CTNNA3: variants seen among roughly 807,000 people sequenced by gnomAD.
The protein encoded by CTNNA3 is catenin alpha-3.
A neutral mutation model predicts 95.7 loss-of-function variants in CTNNA3; 76 were observed. The ratio of observed to expected loss-of-function variants is 0.79; its 90% confidence interval spans 0.66 to 0.96. CTNNA3 has a LOEUF of 0.96. Ranked by LOEUF, CTNNA3 falls within the 40% of genes least tolerant of loss-of-function variation. The probability of loss-of-function intolerance (pLI) is 0.00; values close to 1 mark genes in which losing one functional copy is unlikely to be tolerated. For missense variants in CTNNA3, 1,191 were observed against 1,089.8 expected (o/e 1.09, Z -1.31); for synonymous variants, 431 against 374.4 (o/e 1.15, Z -1.74).
chr10:67,097,286 C>T (rs117828880), intron 7 of CTNNA3, among the ~76,000 whole-genome samples: 3,572 of 151,930 alleles, frequency 0.024, 54 homozygotes, highest in Non-Finnish European at 0.036. Context: ...TCCCAGTTAG[C>T]GAAAGCAATT....
chr10:66,091,931 C>A (rs977623983), intron 14 of CTNNA3, among the ~76,000 whole-genome samples: 1 of 151,800 alleles, frequency 6.6e-6, no homozygotes, highest in African/African-American at 2.4e-5. Flanking sequence ...AGATAATTTC[C>A]AGTCTAGCTG....
chr10:66,708,366 G>T (rs1848186146), intron 9 of CTNNA3, among the ~76,000 whole-genome samples: 1 of 152,016 alleles, frequency 6.6e-6, no homozygotes, highest in Admixed American at 6.6e-5. Flanking sequence ...GCTTGCGGGT[G>T]GCGGCCTTCT....
chr10:66,637,715 C>T (rs529541326), intron 9 of CTNNA3, among the ~76,000 whole-genome samples: 1 of 152,282 alleles, frequency 6.6e-6, no homozygotes, highest in South Asian at 2.1e-4. Context: ...TGAGCACCTC[C>T]CCCTTGGGAC....
intron 4 of CTNNA3, among the ~76,000 whole-genome samples, chr10:67,529,975 G>A (rs1840276866): frequency 6.6e-6 from 1 of 152,038 alleles, no homozygotes; most frequent in African/African-American, 2.4e-5. Context: ...CGGTTTTAAA[G>A]ATGGGAGTTT....
Position 66,927,904 on chromosome 10 carries a change from T to G in CTNNA3, c.1048-152380A>C. The G allele has an allele frequency of 6.2e-7, 1 of 1,614,204 alleles. No homozygotes were observed. Among genetic ancestry groups the G allele is most frequent in the Middle Eastern group, 1.7e-4 (1 of 6,060 alleles). Reference sequence around the variant, plus strand: ...CTCCCTTGTAAACTGGCTGAAAAGTTTTAAAGGTCTAAGGGAGAATACAAT... The same window carrying G: ...CTCCCTTGTAAACTGGCTGAAAAGTGTTAAAGGTCTAAGGGAGAATACAAT... On this transcript the variant is annotated intron_variant, in intron 7 of 17. Transcript: ENST00000433211. This position sits in a 1 kb window ranked among gnomAD's most constrained non-coding sequence, Gnocchi z 4.7.
At chr10:66,072,513 C>A (rs752985267) in intron 14 of CTNNA3, among the ~76,000 whole-genome samples, 33 of 152,126 alleles carry the variant, frequency 2.2e-4, no homozygotes, top group Middle Eastern at 6.8e-3. Context: ...GGCATGATCT[C>A]AGCTCACTGC....
chr10:66,105,670 T>C (rs1022832382), intron 13 of CTNNA3, among the ~76,000 whole-genome samples: 1 of 152,210 alleles, frequency 6.6e-6, no homozygotes, highest in African/African-American at 2.4e-5. Context: ...ACTTCTGTGT[T>C]TTTCTTTGTG....
chr10:67,463,982 G>A (rs886417692), intron 5 of CTNNA3, among the ~76,000 whole-genome samples: 7 of 151,956 alleles, frequency 4.6e-5, no homozygotes, highest in South Asian at 2.1e-4. Flanking sequence ...ATGCTCCTAC[G>A]AATGCTCTAA....
intron 5 of CTNNA3, among the ~76,000 whole-genome samples, chr10:67,385,474 T>G (rs1371018185): frequency 1.3e-5 from 2 of 152,206 alleles, no homozygotes; most frequent in Admixed American, 1.3e-4. Flanking sequence ...CCCAGAATCT[T>G]TCAGTGATCA....
At chr10:66,331,225 G>T (rs2092324102) in intron 12 of CTNNA3, among the ~76,000 whole-genome samples, 1 of 151,272 alleles carries the variant, frequency 6.6e-6, no homozygotes. Context: ...TTTTAATCAA[G>T]CTTGAATTAA....
intron 7 of CTNNA3, among the ~76,000 whole-genome samples, chr10:66,870,329 C>T (rs117299077): frequency 0.033 from 4,956 of 152,244 alleles, 133 homozygotes; most frequent in Middle Eastern, 0.051. Context: ...GGATGTTTTG[C>T]TACGGCTATT....
intron 7 of CTNNA3, among the ~76,000 whole-genome samples, chr10:66,935,330 G>A (rs895910043): frequency 1.3e-5 from 2 of 151,948 alleles, no homozygotes; most frequent in Admixed American, 1.3e-4. Flanking sequence ...TAGTTATAAC[G>A]GTGAAAACTC....
intron 3 of CTNNA3, among the ~76,000 whole-genome samples, chr10:67,554,527 A>T (rs1456799507): frequency 6.6e-6 from 1 of 152,092 alleles, no homozygotes; most frequent in Non-Finnish European, 1.5e-5. Context: ...GCATTTTTTC[A>T]TGTGTCTGTT....
intron 7 of CTNNA3, among the ~76,000 whole-genome samples, chr10:66,890,476 G>C (rs1272615539): frequency 6.6e-6 from 1 of 152,126 alleles, no homozygotes; most frequent in South Asian, 2.1e-4. Context: ...GTTCAACAGA[G>C]AAAGTAGGCA....
At chr10:67,563,029 AG>A (rs1461209819) in intron 3 of CTNNA3, among the ~76,000 whole-genome samples, 1 of 152,170 alleles carries the variant, frequency 6.6e-6, no homozygotes, top group Non-Finnish European at 1.5e-5. Context: ...GCTCATGGGT[AG>A]GAAGAATCAA....
intron 5 of CTNNA3, among the ~76,000 whole-genome samples, chr10:67,399,787 G>A (rs571329933): frequency 1.0e-3 from 155 of 152,144 alleles, no homozygotes; most frequent in African/African-American, 3.4e-3. Context: ...AAGCATTATG[G>A]TAACCAAGAC....
intron 5 of CTNNA3, among the ~76,000 whole-genome samples, chr10:67,509,288 C>T (rs1839530138): frequency 6.6e-6 from 1 of 151,698 alleles, no homozygotes; most frequent in South Asian, 2.1e-4. Flanking sequence ...GTTTGCTGCA[C>T]CCATCAACTC....
chr10:67,359,615 C>A (rs888518566), intron 5 of CTNNA3, among the ~76,000 whole-genome samples: 1 of 151,982 alleles, frequency 6.6e-6, no homozygotes, highest in Non-Finnish European at 1.5e-5. Flanking sequence ...CAGACTAGAC[C>A]AACCTGAGGA....
At chr10:66,695,889 A>G (rs2132553858) in intron 9 of CTNNA3, among the ~76,000 whole-genome samples, 1 of 123,998 alleles carries the variant, frequency 8.1e-6, no homozygotes, top group East Asian at 2.8e-4. Flanking sequence ...AACTTAGCCC[A>G]TCTAAAAATT....
Sources: allele counts gnomAD v4.1 joint callset (sites outside exome capture counted in the v4.1 genomes callset), GRCh38; gene constraint gnomAD v4.1.1; non-coding constraint Gnocchi (gnomAD v3.1); transcripts MANE v1.5; gene names NCBI Gene and HGNC (gene_info 2026-07-23, HGNC 2026-07-21).